PHF2: variants seen among roughly 807,000 people sequenced by gnomAD.
The protein encoded by PHF2 is PHD finger protein 2.
PHF2 carries 27 observed loss-of-function variants against 120.5 expected under a neutral mutation model. The ratio of observed to expected loss-of-function variants is 0.22; its 90% CI spans 0.17 to 0.31. PHF2 has a LOEUF of 0.31. Among genes scored for constraint, PHF2 ranks in the 10% least tolerant of loss-of-function variants. The pLI, the probability that PHF2 is intolerant of heterozygous loss-of-function variation, is 1.00. For missense variants in PHF2, 1,024 were observed against 1,434.8 expected (o/e 0.71, Z 4.63); for synonymous variants, 568 against 592.5 (o/e 0.96, Z 0.60).
rs1332901042 is a variant in PHF2 at position 93,656,666 on chromosome 9, G to A, written c.1147+71G>A. On this transcript the variant is annotated intron_variant, in intron 9 of 21. Transcript: ENST00000359246. This position sits in a 1 kb window ranked among gnomAD's most constrained non-coding sequence, Gnocchi z 4.1. ...TGTGGGGGCAGCCAGACCTGGTCAG[G>A]GCTGACTGTCTGGGTGTGAGTGCCG... 2 of 1,060,864 alleles carry A rather than the reference G, an allele frequency of 1.9e-6. No homozygotes were observed. The highest frequency in any genetic ancestry group is 3.1e-5 in the African/African-American group (2 of 64,426). 65.7% of individuals were successfully genotyped at this position (1,060,864 alleles called of 1,614,324 possible).
chr9:93,611,054 G>T (rs1164570286), intron 1 of PHF2, among the ~76,000 whole-genome samples: 1 of 152,170 alleles, frequency 6.6e-6, no homozygotes, highest in African/African-American at 2.4e-5. Flanking sequence ...AACTTTCTCT[G>T]GAAGTTCTGT....
At position 93,663,606 on chromosome 9, in the gene PHF2, T is replaced by G; in HGVS notation, c.1908T>G (p.Ser636=). 6.2e-7 allele frequency: 1 copy of G among 1,612,612 alleles called. No homozygotes were observed. Among genetic ancestry groups the G allele is most frequent in the South Asian group, 1.1e-5 (1 of 90,916 alleles). Reference sequence around the variant, plus strand: ...CTGGAAACAAAGACAATAAGTTCTCTTTTTCTTTCTCCAACAAGAAACTCC... The same window carrying G: ...CTGGAAACAAAGACAATAAGTTCTCGTTTTCTTTCTCCAACAAGAAACTCC... The part of the protein sequence containing the change: ...PLAGNKDNKF[S]FSFSNKKLLG... The change falls in exon 14 of 22, where the codon TCT becomes TCG. Residue 636 remains serine (S), a synonymous_variant. Coordinates refer to ENST00000359246, the MANE Select transcript of PHF2 (RefSeq NM_005392.4).
chr9:93,579,991 A>G (rs969729664), intron 1 of PHF2, among the ~76,000 whole-genome samples: 1 of 152,158 alleles, frequency 6.6e-6, no homozygotes, highest in African/African-American at 2.4e-5. Context: ...CACCATGGGG[A>G]GGGAGAATCG....
intron 19 of PHF2, 21 bp from the exon 20 acceptor site, chr9:93,675,659 G>A: frequency 6.3e-7 from 1 of 1,592,776 alleles, no homozygotes; most frequent in East Asian, 2.2e-5. Flanking sequence ...GCTTGAGGGG[G>A]CTGGCCCTTC....
intron 12 of PHF2, among the ~76,000 whole-genome samples, chr9:93,662,203 A>G (rs1564399154): frequency 6.6e-6 from 1 of 151,740 alleles, no homozygotes; most frequent in Non-Finnish European, 1.5e-5. Flanking sequence ...GAGCAGATAC[A>G]TGGATGGATA....
At chr9:93,669,689 G>A (rs1243555352) in intron 17 of PHF2, among the ~76,000 whole-genome samples, 1 of 152,204 alleles carries the variant, frequency 6.6e-6, no homozygotes, top group African/African-American at 2.4e-5. Flanking sequence ...CAGTGGGTTC[G>A]GGCCTCAGCA....
At chr9:93,591,889 C>T (rs1184273911) in intron 1 of PHF2, among the ~76,000 whole-genome samples, 1 of 152,228 alleles carries the variant, frequency 6.6e-6, no homozygotes, top group African/African-American at 2.4e-5. Context: ...TGGCCTGCTC[C>T]TAGTCTGGCT....
chr9:93,639,419 A>G (rs1826140747), intron 3 of PHF2, among the ~76,000 whole-genome samples: 1 of 152,160 alleles, frequency 6.6e-6, no homozygotes, highest in Admixed American at 6.5e-5. Context: ...TTGATCTTGT[A>G]TCTTGCAACC....
At position 93,667,259 on chromosome 9, in the gene PHF2, C is replaced by T; in HGVS notation, c.2348+19C>T. On this transcript the variant is annotated intron_variant, in intron 17 of 21. Coordinates refer to ENST00000359246, the MANE Select transcript of PHF2 (RefSeq NM_005392.4). ...CCAGCAGGTGGGCCCCACCACCCGGCAGCACCCAAGAGCGGGGACCAGGCA... is the reference window on the plus strand; with the variant it reads ...CCAGCAGGTGGGCCCCACCACCCGGTAGCACCCAAGAGCGGGGACCAGGCA... The T allele has an allele frequency of 6.2e-7, 1 of 1,602,864 alleles. No individual in the cohort carries two copies. The highest frequency in any genetic ancestry group is 1.1e-5 in the South Asian group (1 of 89,632).
intron 3 of PHF2, among the ~76,000 whole-genome samples, chr9:93,638,549 AAC>A (rs1209127274): frequency 1.3e-5 from 2 of 152,156 alleles, no homozygotes; most frequent in Non-Finnish European, 2.9e-5. Context: ...TTTGCTAGTA[AAC>A]AGTCTTGGCA....
At chr9:93,578,392 C>T (rs1000308402) in intron 1 of PHF2, among the ~76,000 whole-genome samples, 1 of 152,188 alleles carries the variant, frequency 6.6e-6, no homozygotes, top group African/African-American at 2.4e-5. Context: ...AGTTCATGGC[C>T]GGGCCAAAGT....
Position 93,672,537 on chromosome 9 carries a change from TG to T in PHF2, c.2349-1043del, listed in dbSNP as rs1166257145. ...GTAGGTACAGGTGCAGATGCAGGTG[TG>T]GGGGTAGGTATAGGTGTAGATGCAG... On this transcript the variant is annotated intron_variant, in intron 17 of 21. Coordinates refer to ENST00000359246, the MANE Select transcript of PHF2 (RefSeq NM_005392.4). The T allele has an allele frequency of 1.0e-4, 100 of 984,210 alleles. 1 individual carries two copies. Among genetic ancestry groups the T allele is most frequent in the Non-Finnish European group, 1.2e-4 (96 of 829,636 alleles). The allele number at this position is 984,210 out of a possible 1,614,324, so 61.0% of individuals were successfully genotyped here.
chr9:93,618,055 C>G (rs1263281080), intron 1 of PHF2, among the ~76,000 whole-genome samples: 3 of 152,262 alleles, frequency 2.0e-5, no homozygotes, highest in Non-Finnish European at 4.4e-5. Context: ...CACTGCCACA[C>G]CCACTCACCT....
At chr9:93,591,390 G>A (rs905006630) in intron 1 of PHF2, among the ~76,000 whole-genome samples, 2 of 152,242 alleles carry the variant, frequency 1.3e-5, no homozygotes, top group African/African-American at 4.8e-5. Flanking sequence ...GATTGGGCTA[G>A]GCACCCATTC....
chr9:93,676,930 G>A lies in PHF2; in HGVS notation c.3169G>A (p.Ala1057Thr), dbSNP rs757903248. 18 of 1,570,194 alleles carry A rather than the reference G, an allele frequency of 1.1e-5. No homozygotes were observed. The highest frequency in any genetic ancestry group is 7.3e-5 in the Admixed American group (4 of 54,612). The change falls in exon 21 of 22, where the codon GCA becomes ACA. Residue 1057 changes from alanine to threonine, a missense_variant. Physicochemically the swap from Ala to Thr is moderately conservative, Grantham distance 58. Around this residue, in one of 2 missense-constraint regions of PHF2, gnomAD observed 677 missense variants for 857.4 expected, o/e 0.79. Coordinates refer to ENST00000359246, the MANE Select transcript of PHF2 (RefSeq NM_005392.4). The part of the protein sequence containing the change: ...GVFLTQRRPS[A>T]SSPNNNTAAK... ...CTTTCTCACACAGAGGCGGCCCTCC[G>A]CATCGTCTCCAAACAACAACACCGC...
At chr9:93,663,385 T>C (rs1241243632) in intron 13 of PHF2, 132 bp from the exon 14 acceptor site, 70 of 689,648 alleles carry the variant, frequency 1.0e-4, no homozygotes, top group Non-Finnish European at 2.1e-5. Flanking sequence ...GTGGCCCGGG[T>C]GGCCACCAGA....
intron 14 of PHF2, among the ~76,000 whole-genome samples, chr9:93,664,255 A>C (rs1403941317): frequency 6.6e-6 from 1 of 151,910 alleles, no homozygotes; most frequent in Non-Finnish European, 1.5e-5. Flanking sequence ...GGCCTCCTGG[A>C]GACGGCACTG....
At chr9:93,596,024 T>C (rs1390964169) in intron 1 of PHF2, among the ~76,000 whole-genome samples, 1 of 152,214 alleles carries the variant, frequency 6.6e-6, no homozygotes, top group Non-Finnish European at 1.5e-5. Context: ...ACCCACGGTC[T>C]GTCCTCATGG....
rs1826982181 is a variant in PHF2 at position 93,679,456 on chromosome 9, A to G, written c.*1780A>G. Reference sequence around the variant, plus strand: ...TTATTTTGGCAACATGTACATTTCTAACAAAGTTTATCGTGGCTATTAAAG... The same window carrying G: ...TTATTTTGGCAACATGTACATTTCTGACAAAGTTTATCGTGGCTATTAAAG... On this transcript the variant is annotated 3_prime_UTR_variant, in exon 22 of 22. Coordinates refer to ENST00000359246, the MANE Select transcript of PHF2 (RefSeq NM_005392.4). The G allele has an allele frequency of 3.2e-6, 1 of 312,906 alleles. No homozygotes were observed. Among genetic ancestry groups the G allele is most frequent in the African/African-American group, 2.2e-5 (1 of 44,724 alleles). The allele number at this position is 312,906 out of a possible 1,614,324, so 19.4% of individuals were successfully genotyped here. A position where few individuals can be genotyped will look rare whatever the true frequency, so the allele number is the denominator to read the frequency against.
Sources: gnomAD v4.1 joint callset for allele counts (sites outside exome capture counted in the v4.1 genomes callset) on GRCh38, gnomAD v4.1.1 for gene constraint, gnomAD v4.1.1 regional missense constraint, Gnocchi (gnomAD v3.1) non-coding constraint, MANE v1.5 for transcripts, NCBI Gene and HGNC (gene_info 2026-07-23, HGNC 2026-07-21) for gene names.